The following PCDH15 variants were observed in gnomAD, a reference collection of about 807,000 sequenced individuals.
The protein encoded by PCDH15 is protocadherin-15.
PCDH15 carries 129 observed loss-of-function variants against 178.5 expected under a neutral mutation model. That is an observed-to-expected ratio of 0.72 (90% confidence interval 0.63 to 0.84). The LOEUF (loss-of-function observed/expected upper bound fraction) is 0.84. PCDH15 is among the 40% of genes least tolerant of loss of function. The probability of loss-of-function intolerance (pLI) is 0.00; values close to 1 mark genes in which losing one functional copy is unlikely to be tolerated. For missense variants in PCDH15, 2,230 were observed against 2,099.9 expected (o/e 1.06, Z -1.21); for synonymous variants, 800 against 732.0 (o/e 1.09, Z -1.50).
At chr10:54,758,524 A>G (rs1241095059) in intron 1 of PCDH15, among the ~76,000 whole-genome samples, 2 of 152,212 alleles carry the variant, frequency 1.3e-5, no homozygotes, top group Non-Finnish European at 2.9e-5. Flanking sequence ...TCCATCATAA[A>G]TCGAGCAGCC....
chr10:54,394,260 C>T (rs1252173232), intron 3 of PCDH15, among the ~76,000 whole-genome samples: 1 of 151,980 alleles, frequency 6.6e-6, no homozygotes, highest in Non-Finnish European at 1.5e-5. Context: ...ATGTAGACTC[C>T]TTAGAAGATA....
chr10:54,907,987 G>C (rs1451093755), intron 2 of PCDH15, among the ~76,000 whole-genome samples: 2 of 152,142 alleles, frequency 1.3e-5, no homozygotes, highest in Non-Finnish European at 2.9e-5. Flanking sequence ...TCTGCTGGGA[G>C]AAACCCAATC....
intron 18 of PCDH15, among the ~76,000 whole-genome samples, chr10:54,026,616 C>A (rs549159329): frequency 2.8e-4 from 42 of 152,276 alleles, no homozygotes; most frequent in African/African-American, 1.0e-3. Flanking sequence ...ACTACAATAT[C>A]TTTGGCTCTG....
chr10:54,995,631 C>CT (rs1320145269), intron 2 of PCDH15, among the ~76,000 whole-genome samples: 4 of 150,328 alleles, frequency 2.7e-5, no homozygotes, highest in African/African-American at 9.8e-5. Flanking sequence ...ATTAACCCTC[C>CT]CCCCCACGCC....
chr10:55,482,735 T>C (rs565163400), intron 2 of PCDH15, among the ~76,000 whole-genome samples: 5 of 151,818 alleles, frequency 3.3e-5, no homozygotes, highest in Non-Finnish European at 5.9e-5. Flanking sequence ...TCTTTCTCTC[T>C]AGCTGACCTT....
intron 26 of PCDH15, among the ~76,000 whole-genome samples, chr10:53,882,761 T>G (rs2080819949): frequency 6.6e-6 from 1 of 152,220 alleles, no homozygotes; most frequent in Non-Finnish European, 1.5e-5. Context: ...AATGTATTTG[T>G]TTTTCCCTCT....
At chr10:54,994,536 G>A (rs759417977) in intron 2 of PCDH15, among the ~76,000 whole-genome samples, 1 of 151,998 alleles carries the variant, frequency 6.6e-6, no homozygotes, top group Non-Finnish European at 1.5e-5. Context: ...TGAGAAACTT[G>A]TTGATAGTTT....
At chr10:55,183,068 G>C (rs892216707) in intron 1 of PCDH15, among the ~76,000 whole-genome samples, 2 of 151,806 alleles carry the variant, frequency 1.3e-5, no homozygotes, top group Admixed American at 6.6e-5. Flanking sequence ...TCCATTATGA[G>C]ATATAGATAT....
Position 53,803,591 on chromosome 10 carries a change from C to T in PCDH15, c.*2988G>A, listed in dbSNP as rs143839106. The T allele has an allele frequency of 2.7e-4, 41 of 152,024 alleles. No homozygotes were observed. The highest frequency in any genetic ancestry group is 3.4e-3 in the Middle Eastern group (1 of 294). The allele number at this position is 152,024 out of a possible 1,614,324, so 9.4% of individuals were successfully genotyped here. On this transcript the variant is annotated 3_prime_UTR_variant, in exon 38 of 38. Transcript: ENST00000644397. ...TAAAAAGATGGTTTTGGCCAACCTA[C>T]GGTTGCAATTCTATGACAACTCTCA... is the stretch of plus-strand genomic sequence containing the variant.
chr10:54,846,843 A>C (rs559167144), intron 3 of PCDH15, among the ~76,000 whole-genome samples: 1 of 152,162 alleles, frequency 6.6e-6, no homozygotes, highest in Non-Finnish European at 1.5e-5. Flanking sequence ...AGGAAAAAAA[A>C]TAAAATTCTA....
intron 8 of PCDH15, among the ~76,000 whole-genome samples, chr10:54,270,535 C>G (rs1425667420): frequency 6.6e-6 from 1 of 152,136 alleles, no homozygotes; most frequent in African/African-American, 2.4e-5. Flanking sequence ...GTTCTCCTCT[C>G]AAAACTTCTT....
chr10:54,943,361 G>T (rs1838110046), intron 2 of PCDH15, among the ~76,000 whole-genome samples: 1 of 151,866 alleles, frequency 6.6e-6, no homozygotes. Flanking sequence ...GACATTTTGT[G>T]ATTACAATGT....
chr10:55,598,575 A>C (rs947371466), intron 2 of PCDH15, among the ~76,000 whole-genome samples: 14 of 132,442 alleles, frequency 1.1e-4, no homozygotes, highest in Non-Finnish European at 1.3e-4. Flanking sequence ...TATAGTAAAC[A>C]CAAGTATGCA....
intron 4 of PCDH15, among the ~76,000 whole-genome samples, chr10:54,372,963 T>C (rs927613335): frequency 6.6e-6 from 1 of 151,468 alleles, no homozygotes; most frequent in Non-Finnish European, 1.5e-5. Context: ...GGTTTGAGAG[T>C]ATGAAGAGAA....
At chr10:55,474,708 G>C (rs1217723747) in intron 2 of PCDH15, among the ~76,000 whole-genome samples, 1 of 152,166 alleles carries the variant, frequency 6.6e-6, no homozygotes, top group Non-Finnish European at 1.5e-5. Flanking sequence ...AGTTATGCCT[G>C]ACAATTTGCT....
At chr10:54,894,138 ACATAGCC>A (rs1339647221) in intron 3 of PCDH15, among the ~76,000 whole-genome samples, 1 of 152,122 alleles carries the variant, frequency 6.6e-6, no homozygotes, top group African/African-American at 2.4e-5. Context: ...TCCCATAGAA[ACATAGCC>A]CATCTCACCA....
At chr10:54,856,953 T>G (rs1462066138) in intron 3 of PCDH15, among the ~76,000 whole-genome samples, 2 of 151,852 alleles carry the variant, frequency 1.3e-5, no homozygotes, top group East Asian at 3.9e-4. Flanking sequence ...TGTGCTGTTT[T>G]GTTTTTGTTT....
intron 8 of PCDH15, among the ~76,000 whole-genome samples, chr10:54,315,319 G>A (rs1229987563): frequency 6.6e-6 from 1 of 151,850 alleles, no homozygotes; most frequent in Non-Finnish European, 1.5e-5. Context: ...TTTTTTTATT[G>A]GCCACATGTA....
At chr10:55,521,373 T>G (rs1277349159) in intron 2 of PCDH15, among the ~76,000 whole-genome samples, 2 of 141,864 alleles carry the variant, frequency 1.4e-5, no homozygotes, top group Non-Finnish European at 1.6e-5. Flanking sequence ...GAAATGCATT[T>G]AATACTGGCA....
Sources: gnomAD v4.1 joint callset for allele counts (sites outside exome capture counted in the v4.1 genomes callset) on GRCh38, gnomAD v4.1.1 for gene constraint, MANE v1.5 for transcripts, NCBI Gene and HGNC (gene_info 2026-07-23, HGNC 2026-07-21) for gene names.